Variants in DOK6 observed in about 807,000 individuals in gnomAD.
DOK6 encodes downstream of tyrosine kinase 6.
In DOK6, 22 loss-of-function variants were observed where a neutral mutation model predicts 44.0. The observed-to-expected ratio is 0.50, with a 90% CI of 0.36 to 0.71. The LOEUF (loss-of-function observed/expected upper bound fraction) is 0.71. Ranked by LOEUF, DOK6 falls within the 30% of genes least tolerant of loss-of-function variation. DOK6 has a pLI of 0.00. For missense variants in DOK6, 340 were observed against 416.4 expected, an observed-to-expected ratio of 0.82 and a Z score of 1.60; for synonymous variants, 166 against 145.5, an observed-to-expected ratio of 1.14 and a Z score of -1.01.
intron 6 of DOK6, among the ~76,000 whole-genome samples, chr18:69,753,564 A>G (rs1979254565): frequency 6.6e-6 from 1 of 152,260 alleles, no homozygotes; most frequent in Non-Finnish European, 1.5e-5. Flanking sequence ...CATTGCTCAT[A>G]TCCTAGAAAA....
chr18:69,772,261 A>G (rs547864521), intron 7 of DOK6, among the ~76,000 whole-genome samples: 1 of 152,182 alleles, frequency 6.6e-6, no homozygotes, highest in African/African-American at 2.4e-5. Context: ...GAGTTGAAAG[A>G]GTTAATATTG....
chr18:69,574,337 T>C (rs1568300628), intron 2 of DOK6, among the ~76,000 whole-genome samples: 1 of 152,008 alleles, frequency 6.6e-6, no homozygotes, highest in Non-Finnish European at 1.5e-5. Context: ...GTTATTATCA[T>C]TATTGTTTTG....
At chr18:69,517,020 A>G (rs1981546053) in intron 1 of DOK6, among the ~76,000 whole-genome samples, 1 of 152,122 alleles carries the variant, frequency 6.6e-6, no homozygotes, top group African/African-American at 2.4e-5. Context: ...TTCTCCGTCT[A>G]CAAGAATTTT....
chr18:69,474,867 T>C (rs1441874135), intron 1 of DOK6, among the ~76,000 whole-genome samples: 1 of 152,226 alleles, frequency 6.6e-6, no homozygotes, highest in Non-Finnish European at 1.5e-5. Context: ...TGATTTTAAT[T>C]ATCTATAGCA....
rs1982229050 is a variant in DOK6, at chr18:69,841,768, A to T, written c.*385A>T. 5.1e-6 allele frequency: 1 copy of T among 197,678 alleles called. No homozygotes were observed. The highest frequency in any genetic ancestry group is 1.1e-5 in the Non-Finnish European group (1 of 93,646). 12.2% of individuals were successfully genotyped at this position (197,678 alleles called of 1,614,324 possible). ...CAGCGCAGTCCGCCCATCTGAGCAC[A>T]GGGTCTGTCCTTAGACATAATGGTG... On this transcript the variant is annotated 3_prime_UTR_variant, in exon 8 of 8. Coordinates refer to ENST00000382713, the MANE Select transcript of DOK6 (RefSeq NM_152721.6).
At chr18:69,820,548 C>T (rs1981539539) in intron 7 of DOK6, among the ~76,000 whole-genome samples, 1 of 152,040 alleles carries the variant, frequency 6.6e-6, no homozygotes, top group South Asian at 2.1e-4. Flanking sequence ...ATGTATCTTC[C>T]CATCCGGAAA....
At chr18:69,566,111 GTTTATTTA>G (rs56218878) in intron 2 of DOK6, among the ~76,000 whole-genome samples, 56,184 of 149,880 alleles carry the variant, frequency 0.37, 11,672 homozygotes, top group South Asian at 0.45. Context: ...GTACAGCTCG[GTTTATTTA>G]TTTATTTATT....
At chr18:69,555,215 T>C (rs1208171809) in intron 1 of DOK6, among the ~76,000 whole-genome samples, 2 of 152,328 alleles carry the variant, frequency 1.3e-5, no homozygotes, top group Middle Eastern at 3.4e-3. Flanking sequence ...CTATATTTTC[T>C]TCAAAAAGCT....
Position 69,487,177 on chromosome 18 carries a change from ATGTGTGTGTGTGTGTGTG to A in DOK6, c.67-77282_67-77265del, listed in dbSNP as rs5825940. ...CAATTAGCCTTGGCACTGATAGGAT[ATGTGTGTGTGTGTGTGTG>A]TGTGTGTGTGTGTGTGTGTGTGTGT... On this transcript the variant is annotated intron_variant, in intron 1 of 7. Coordinates refer to ENST00000382713, the MANE Select transcript of DOK6 (RefSeq NM_152721.6). Among the ~76,000 whole-genome samples the A allele has an allele frequency of 5.1e-4, 72 of 140,468 alleles. 1 individual carries two copies. Among genetic ancestry groups the A allele is most frequent in the Middle Eastern group, 7.1e-3 (2 of 280 alleles). The allele number at this position is 140,468 out of a possible 152,430, so 92.2% of individuals were successfully genotyped here. A position where few individuals can be genotyped will look rare whatever the true frequency, so the allele number is the denominator to read the frequency against.
intron 4 of DOK6, among the ~76,000 whole-genome samples, chr18:69,693,360 T>G (rs1343218844): frequency 6.6e-6 from 1 of 151,772 alleles, no homozygotes; most frequent in African/African-American, 2.4e-5. Flanking sequence ...TAGACATTTT[T>G]CAAATTTCTT....
At chr18:69,482,276 T>TTAGACATGGC (rs1980447760) in intron 1 of DOK6, among the ~76,000 whole-genome samples, 1 of 152,174 alleles carries the variant, frequency 6.6e-6, no homozygotes, top group Admixed American at 6.5e-5. Flanking sequence ...GCTTTTGGTG[T>TTAGACATGGC]TTTAGACATG....
chr18:69,552,774 C>A (rs1214990416), intron 1 of DOK6, among the ~76,000 whole-genome samples: 1 of 152,214 alleles, frequency 6.6e-6, no homozygotes, highest in Non-Finnish European at 1.5e-5. Flanking sequence ...TGACACTAAG[C>A]AACTGGAAGT....
chr18:69,572,401 GC>G (rs2144603863), intron 2 of DOK6, among the ~76,000 whole-genome samples: 1 of 152,162 alleles, frequency 6.6e-6, no homozygotes, highest in East Asian at 1.9e-4. Context: ...AAAATCATAA[GC>G]TTTTACTTCA....
chr18:69,481,637 GT>G (rs1276385735), intron 1 of DOK6, among the ~76,000 whole-genome samples: 21 of 152,132 alleles, frequency 1.4e-4, no homozygotes, highest in African/African-American at 4.8e-4. Context: ...GGACATTTGG[GT>G]TGGTTCCAAG....
At chr18:69,739,481 ACTTT>A (rs1198541077) in intron 6 of DOK6, among the ~76,000 whole-genome samples, 3 of 152,192 alleles carry the variant, frequency 2.0e-5, no homozygotes, top group Admixed American at 6.5e-5. Flanking sequence ...GAAGGGTTCC[ACTTT>A]ATTTTTTAAC....
At chr18:69,719,031 AAATGT>A (rs1364648290) in intron 5 of DOK6, among the ~76,000 whole-genome samples, 1 of 152,168 alleles carries the variant, frequency 6.6e-6, no homozygotes, top group Non-Finnish European at 1.5e-5. Context: ...TGTTGGAAAA[AAATGT>A]AATTATTATA....
intron 2 of DOK6, among the ~76,000 whole-genome samples, chr18:69,598,289 TG>T (rs1290576669): frequency 6.6e-6 from 1 of 151,674 alleles, no homozygotes; most frequent in South Asian, 2.1e-4. Context: ...TATATAAATA[TG>T]CATGTGGTTA....
chr18:69,812,812 AAGG>A (rs1207853721), intron 7 of DOK6, among the ~76,000 whole-genome samples: 3 of 152,100 alleles, frequency 2.0e-5, no homozygotes, highest in African/African-American at 7.2e-5. Context: ...GGGCAGCAGG[AAGG>A]AGAAGTGCTG....
At chr18:69,588,864 T>C (rs906164022) in intron 2 of DOK6, among the ~76,000 whole-genome samples, 2 of 152,082 alleles carry the variant, frequency 1.3e-5, no homozygotes, top group African/African-American at 2.4e-5. Context: ...ATGTGGTTTA[T>C]GTCAAAGATG....
Sources: gnomAD v4.1 joint callset for allele counts (sites outside exome capture counted in the v4.1 genomes callset) on GRCh38, gnomAD v4.1.1 for gene constraint, MANE v1.5 for transcripts, NCBI Gene and HGNC (gene_info 2026-07-23, HGNC 2026-07-21) for gene names.